Variants in ERBIN observed in about 807,000 individuals in gnomAD.
The protein encoded by ERBIN is erbb2 interacting protein, also known as densin-180-like protein.
A neutral mutation model predicts 158.4 loss-of-function variants in ERBIN; 60 were observed. That is an observed-to-expected ratio of 0.38 (90% CI 0.31 to 0.47). ERBIN has a LOEUF of 0.47. ERBIN is among the 20% of genes least tolerant of loss of function. ERBIN has a pLI of 0.99. For missense variants in ERBIN, 1,610 were observed against 1,648.0 expected, an observed-to-expected ratio of 0.98 and a Z score of 0.40; for synonymous variants, 594 against 557.2, an observed-to-expected ratio of 1.07 and a Z score of -0.93.
At chr5:65,955,929 C>T (rs1747060793) in intron 1 of ERBIN, among the ~76,000 whole-genome samples, 2 of 152,170 alleles carry the variant, frequency 1.3e-5, no homozygotes, top group Middle Eastern at 3.2e-3. Context: ...TATGAATTAT[C>T]CCTTTGTTTA....
chr5:66,075,225 C>G lies in ERBIN; in HGVS notation c.3958C>G (p.Gln1320Glu). The G allele has an allele frequency of 1.2e-6, 2 of 1,613,534 alleles. No homozygotes were observed. Among genetic ancestry groups the G allele is most frequent in the Non-Finnish European group, 1.7e-6 (2 of 1,179,458 alleles). ...SPRQGHELAK[Q>E]EIRVRVEKDP... ...TAGACAAGGCCATGAACTGGCAAAA[C>G]AAGAGGTAAGAATAATCAAGACTAT... Residue 1320 changes from glutamine to glutamate, a missense_variant, in exon 23 of 26, where the codon CAA becomes GAA. Physicochemically the swap from Gln to Glu is conservative, Grantham distance 29. Coordinates refer to ENST00000284037, the MANE Select transcript of ERBIN (RefSeq NM_001253697.2).
intron 1 of ERBIN, among the ~76,000 whole-genome samples, chr5:65,936,870 A>T (rs1483729238): frequency 1.3e-5 from 2 of 152,212 alleles, no homozygotes; most frequent in Non-Finnish European, 2.9e-5. Context: ...CTAGAATCAA[A>T]TTCCCTCTGA....
chr5:66,024,783 C>G (rs948706049), intron 10 of ERBIN, among the ~76,000 whole-genome samples: 7 of 152,134 alleles, frequency 4.6e-5, no homozygotes, highest in Admixed American at 2.6e-4. Context: ...TACAGACACT[C>G]AGACAAGAAA....
chr5:66,053,743 A>G lies in ERBIN; in HGVS notation c.2425A>G (p.Asn809Asp), dbSNP rs1345967487. Residue 809 changes from asparagine to aspartate, a missense_variant, in exon 21 of 26, where the codon AAT (asparagine) becomes GAT (aspartate). Transcript: ENST00000284037. ...NSKEETEHLE[N>D]GNKYPNLESV... is the part of the protein sequence containing the mutation. ...TAAAGAGGAAACTGAGCACTTGGAA[A>G]ATGGAAACAAGTATCCTAATTTGGA... The G allele has an allele frequency of 6.2e-7, 1 of 1,613,810 alleles. No individual in the cohort carries two copies. The highest frequency in any genetic ancestry group is 1.1e-5 in the South Asian group (1 of 91,082).
intron 18 of ERBIN, among the ~76,000 whole-genome samples, chr5:66,048,236 A>G (rs1434915572): frequency 4.0e-5 from 6 of 151,882 alleles, no homozygotes. Context: ...AGTAGAGTAG[A>G]CAGGGCCCTG....
chr5:66,003,962 T>C (rs1753277585), intron 4 of ERBIN, among the ~76,000 whole-genome samples: 1 of 144,408 alleles, frequency 6.9e-6, no homozygotes, highest in Non-Finnish European at 1.5e-5. Context: ...AGAGGCGGTG[T>C]CTTGCTCTGT....
chr5:65,983,493 T>C (rs150150328), intron 1 of ERBIN, among the ~76,000 whole-genome samples: 13 of 152,320 alleles, frequency 8.5e-5, no homozygotes, highest in Non-Finnish European at 1.5e-5. Flanking sequence ...TATGTACTTA[T>C]CAGTAAGGGG....
At chr5:65,944,395 TTTTTTTG>T (rs1012126465) in intron 1 of ERBIN, among the ~76,000 whole-genome samples, 17 of 152,030 alleles carry the variant, frequency 1.1e-4, no homozygotes, top group South Asian at 4.2e-4. Context: ...TGGTTGTTGG[TTTTTTTG>T]TTTTTTGTTT....
Position 66,050,784 on chromosome 5 carries a change from T to C in ERBIN, c.1905T>C (p.Asp635=), listed in dbSNP as rs140434850. 8 of 1,523,714 alleles carry C rather than the reference T, an allele frequency of 5.3e-6. No individual in the cohort carries two copies. In the African/African-American group the frequency reaches 7.1e-5, roughly 14 times the overall value. 94.4% of individuals were successfully genotyped at this position (1,523,714 alleles called of 1,614,324 possible). ...AATCTTAAATTTGTTTTGTTTCAGATGATACAAAGGAAACAGATTCTTTAT... is the reference window on the plus strand; with the variant it reads ...AATCTTAAATTTGTTTTGTTTCAGACGATACAAAGGAAACAGATTCTTTAT... ...KVVALSNNKK[D]DTKETDSLSD... The change falls in exon 20 of 26, where the codon GAT becomes GAC. Residue 635 remains aspartate, a splice_region_variant and synonymous_variant. Transcript: ENST00000284037.
At chr5:65,973,693 T>C (rs1244170466) in intron 1 of ERBIN, among the ~76,000 whole-genome samples, 2 of 151,256 alleles carry the variant, frequency 1.3e-5, no homozygotes, top group African/African-American at 4.9e-5. Context: ...GTGTCTTGAA[T>C]TGGGTAGGTG....
chr5:66,010,897 T>C (rs1285952884), intron 4 of ERBIN, among the ~76,000 whole-genome samples: 2 of 152,230 alleles, frequency 1.3e-5, no homozygotes, highest in African/African-American at 4.8e-5. Flanking sequence ...ATTTTGGCTG[T>C]GATAATTTCA....
At chr5:66,075,294 T>C (rs796821992) in intron 23 of ERBIN, 64 bp downstream of exon 23, 1 of 1,290,770 alleles carries the variant, frequency 7.7e-7, no homozygotes, top group Non-Finnish European at 1.1e-6. Flanking sequence ...TATAGGTTAC[T>C]TAATTATTAG....
At position 66,054,412 on chromosome 5, in the gene ERBIN, A is replaced by G. The variant is rs1759377467; in HGVS notation, c.3094A>G (p.Asn1032Asp). 6.2e-7 allele frequency: 1 copy of G among 1,614,158 alleles called. No individual in the cohort carries two copies. Among genetic ancestry groups the G allele is most frequent in the Non-Finnish European group, 8.5e-7 (1 of 1,180,028 alleles). Reference sequence around the variant, plus strand: ...ACATTCTGCCAATATGAATTTCTCTAATCATAACAATGTTCGAGCTAATAC... The same window carrying G: ...ACATTCTGCCAATATGAATTTCTCTGATCATAACAATGTTCGAGCTAATAC... ...AKHSANMNFS[N>D]HNNVRANTAY... The change falls in exon 21 of 26, where the codon AAT becomes GAT. Residue 1032 changes from asparagine to aspartate, a missense_variant. This residue lies in a region of ERBIN where 1,014 missense variants were observed against 936.1 expected (regional missense o/e 1.08). Transcript: ENST00000284037.
intron 1 of ERBIN, among the ~76,000 whole-genome samples, chr5:65,949,149 G>A (rs1178944021): frequency 6.6e-6 from 1 of 152,070 alleles, no homozygotes. Context: ...TTATATTTAC[G>A]TAGAAGTCCC....
intron 1 of ERBIN, among the ~76,000 whole-genome samples, chr5:65,976,476 A>C (rs531552819): frequency 4.6e-5 from 7 of 152,162 alleles, no homozygotes; most frequent in Middle Eastern, 3.4e-3. Flanking sequence ...GTCTCACCCC[A>C]AAAAAAGAAA....
At chr5:66,018,591 TA>T (rs1429104019) in intron 7 of ERBIN, among the ~76,000 whole-genome samples, 3 of 67,258 alleles carry the variant, frequency 4.5e-5, no homozygotes, top group Admixed American at 2.6e-4. Context: ...ATATATTATA[TA>T]ATATATATTA....
intron 22 of ERBIN, 69 bp downstream of exon 22, chr5:66,072,360 AT>A: frequency 2.7e-6 from 4 of 1,490,308 alleles, no homozygotes; most frequent in Admixed American, 2.2e-5. Context: ...TGGACTAGAT[AT>A]TATATGTGCT....
rs2150900810 is a variant in ERBIN at position 65,945,161 on chromosome 5, T to C, written c.-58+18355T>C. 2.0e-5 allele frequency among the ~76,000 whole-genome samples: 3 copies of C among 152,314 alleles called. No individual in the cohort carries two copies. In the South Asian group the frequency reaches 6.2e-4, roughly 32 times the overall value. Reference sequence around the variant, plus strand: ...ATTTATTTCAAAATGTATGCAGGTTTCTCTTTTGAATGTCTTACAGATTTA... The same window carrying C: ...ATTTATTTCAAAATGTATGCAGGTTCCTCTTTTGAATGTCTTACAGATTTA... On this transcript the variant is annotated intron_variant, in intron 1 of 25. Coordinates refer to ENST00000284037, the MANE Select transcript of ERBIN (RefSeq NM_001253697.2).
intron 1 of ERBIN, among the ~76,000 whole-genome samples, chr5:65,937,185 T>G (rs1744191021): frequency 6.6e-6 from 1 of 152,256 alleles, no homozygotes; most frequent in Non-Finnish European, 1.5e-5. Context: ...GCTCTGGTGT[T>G]TGCCATATGG....
Sources: gnomAD v4.1 joint callset for allele counts (sites outside exome capture counted in the v4.1 genomes callset) on GRCh38, gnomAD v4.1.1 for gene constraint, gnomAD v4.1.1 regional missense constraint, MANE v1.5 for transcripts, NCBI Gene and HGNC (gene_info 2026-07-23, HGNC 2026-07-21) for gene names.